Variants in GFOD2 observed in about 807,000 individuals in gnomAD.
The protein encoded by GFOD2 is Gfo/Idh/MocA-like oxidoreductase domain containing 2.
In GFOD2, 9 loss-of-function variants were observed where a neutral mutation model predicts 24.6. That is an observed-to-expected ratio of 0.37 (90% CI 0.22 to 0.64). The LOEUF is 0.64. GFOD2 is among the 30% of genes least tolerant of loss of function. GFOD2 has a pLI of 0.65. For missense variants in GFOD2, 476 were observed against 532.5 expected (o/e 0.89, Z 1.04); for synonymous variants, 211 against 224.8 (o/e 0.94, Z 0.55).
chr16:67,703,710 A>G (rs1461405285), intron 1 of GFOD2, among the ~76,000 whole-genome samples: 1 of 152,196 alleles, frequency 6.6e-6, no homozygotes, highest in Non-Finnish European at 1.5e-5. Context: ...CAGGCACTTG[A>G]GCAAATCTGT....
At chr16:67,676,170 TTC>T in intron 2 of GFOD2, 117 bp from the exon 3 acceptor site, 1 of 1,049,576 alleles carries the variant, frequency 9.5e-7, no homozygotes, top group Non-Finnish European at 1.3e-6. Context: ...TAATTTTTTT[TTC>T]TTTTTTGTAG....
chr16:67,680,628 T>G, intron 2 of GFOD2: 1 of 597,182 alleles, frequency 1.7e-6, no homozygotes, highest in Non-Finnish European at 2.1e-6. Context: ...CATCTGTCAT[T>G]TGTACTTATG....
rs1209059326 is a variant in GFOD2, at chr16:67,712,893, G to C, written c.-88+6270C>G. Among the ~76,000 whole-genome samples the C allele has an allele frequency of 3.5e-5, 4 of 112,690 alleles. 1 individual carries two copies. The highest frequency in any genetic ancestry group is 3.3e-4 in the Admixed American group (4 of 11,994). The allele number at this position is 112,690 out of a possible 152,430, so 73.9% of individuals were successfully genotyped here. A position where few individuals can be genotyped will look rare whatever the true frequency, so the allele number is the denominator to read the frequency against. On this transcript the variant is annotated intron_variant, in intron 1 of 2. Coordinates refer to ENST00000268797, the MANE Select transcript of GFOD2 (RefSeq NM_030819.4). The stretch of plus-strand genomic sequence containing the variant: ...TAGGAAGTGAGGAGCGTCTCTGCCC[G>C]GCCGCCCATCGTCTGAGATGTGGGG...
chr16:67,684,857 T>G (rs1324384334), intron 2 of GFOD2: 1 of 989,248 alleles, frequency 1.0e-6, no homozygotes, highest in East Asian at 1.1e-4. Flanking sequence ...CCATGCCCAG[T>G]CAGGGGCAAG....
chr16:67,702,943 T>C (rs1186457921), intron 1 of GFOD2, among the ~76,000 whole-genome samples: 1 of 152,058 alleles, frequency 6.6e-6, no homozygotes, highest in Admixed American at 6.6e-5. Context: ...CCTCACTGTG[T>C]GTGAGAAATC....
chr16:67,687,705 C>T (rs1390307446), intron 1 of GFOD2, among the ~76,000 whole-genome samples: 2 of 148,706 alleles, frequency 1.3e-5, no homozygotes, highest in East Asian at 2.0e-4. Context: ...TGTGGTGGCT[C>T]ATGTCTGCAA....
chr16:67,712,020 A>G (rs1371111708), intron 1 of GFOD2, among the ~76,000 whole-genome samples: 1 of 152,128 alleles, frequency 6.6e-6, no homozygotes, highest in South Asian at 2.1e-4. Context: ...GAAGACAACA[A>G]ATTTTTTGTC....
chr16:67,710,291 T>C (rs1389705760), intron 1 of GFOD2, among the ~76,000 whole-genome samples: 3 of 146,826 alleles, frequency 2.0e-5, no homozygotes, highest in Admixed American at 6.8e-5. Flanking sequence ...ACGCCAGCCC[T>C]GTATTTTTAG....
chr16:67,715,934 G>T (rs538405080), intron 1 of GFOD2, among the ~76,000 whole-genome samples: 13 of 152,168 alleles, frequency 8.5e-5, no homozygotes, highest in Non-Finnish European at 1.2e-4. Context: ...CTTGAGCCCA[G>T]GAGTCAGAGG....
At chr16:67,683,424 GTGACCAA>G in intron 2 of GFOD2, 1 of 1,229,572 alleles carries the variant, frequency 8.1e-7, no homozygotes. Context: ...AAGGAGTCAA[GTGACCAA>G]TAGCGGCTTG....
Position 67,700,218 on chromosome 16 carries a change from C to CA in GFOD2, c.-87-14417dup, listed in dbSNP as rs1021983294. ...GTAAAACCCCATCTCTACTAAAATA[C>CA]AAAAAAATTAGCCGGTCATGACAGT... is the stretch of plus-strand genomic sequence containing the variant. On this transcript the variant is annotated intron_variant, in intron 1 of 2. Transcript: ENST00000268797. Among the ~76,000 whole-genome samples, 6 of 151,540 alleles carry CA rather than the reference C, an allele frequency of 4.0e-5. 1 individual carries two copies. The highest frequency in any genetic ancestry group is 2.0e-4 in the Admixed American group (3 of 15,216).
At chr16:67,689,971 A>T (rs1282753897) in intron 1 of GFOD2, among the ~76,000 whole-genome samples, 2 of 152,164 alleles carry the variant, frequency 1.3e-5, no homozygotes, top group African/African-American at 4.8e-5. Context: ...TGGCTAGCAT[A>T]ATGTCTTCAA....
At chr16:67,683,814 C>T in intron 2 of GFOD2, 1 of 1,222,996 alleles carries the variant, frequency 8.2e-7, no homozygotes, top group Non-Finnish European at 1.0e-6. Flanking sequence ...CCTCATGGCA[C>T]CGGTTCCTCG....
At chr16:67,677,704 G>A (rs1194390616) in intron 2 of GFOD2, 1 of 152,282 alleles carries the variant, frequency 6.6e-6, no homozygotes, top group Non-Finnish European at 1.5e-5. Flanking sequence ...ATTACACAGA[G>A]CCTACATGCA....
At chr16:67,676,236 G>C in intron 2 of GFOD2, 183 bp from the exon 3 acceptor site, 2 of 623,350 alleles carry the variant, frequency 3.2e-6, no homozygotes, top group Non-Finnish European at 5.5e-6. Context: ...GGCCTCAAGC[G>C]ATCCTCCATC....
chr16:67,675,950 C>T lies in GFOD2; in HGVS notation c.363G>A (p.Gly121=). 6.2e-7 allele frequency: 1 copy of T among 1,614,218 alleles called. No individual in the cohort carries two copies. The highest frequency in any genetic ancestry group is 8.5e-7 in the Non-Finnish European group (1 of 1,180,050). The change falls in exon 3 of 3, where the codon GGG becomes GGA. Residue 121 remains glycine (G), a synonymous_variant. Coordinates refer to ENST00000268797, the MANE Select transcript of GFOD2 (RefSeq NM_030819.4). ...RYYPQLMSLV[G]NVLRFLPAFV... is the part of the protein sequence containing the mutation. ...AGGCAGGCAGGAAGCGCAGCACGTT[C>T]CCTACCAGGCTCATGAGCTGCGGGT...
At chr16:67,683,161 T>G (rs1291323136) in intron 2 of GFOD2, 1 of 963,528 alleles carries the variant, frequency 1.0e-6, no homozygotes, top group African/African-American at 1.8e-5. Context: ...GGGATCCCAC[T>G]ATGTTGCCCA....
chr16:67,699,691 C>T, intron 1 of GFOD2, among the ~76,000 whole-genome samples: 1 of 152,042 alleles, frequency 6.6e-6, no homozygotes, highest in Admixed American at 6.6e-5. Context: ...GCCATGTTGG[C>T]CAGGCTGGTC....
chr16:67,710,270 C>T (rs1465883278), intron 1 of GFOD2, among the ~76,000 whole-genome samples: 1 of 152,002 alleles, frequency 6.6e-6, no homozygotes. Context: ...GGATTATAGG[C>T]ATGAGCCACC....
Sources: gnomAD v4.1 joint callset for allele counts (sites outside exome capture counted in the v4.1 genomes callset) on GRCh38, gnomAD v4.1.1 for gene constraint, MANE v1.5 for transcripts, NCBI Gene and HGNC (gene_info 2026-07-23, HGNC 2026-07-21) for gene names.